Variants in TMC7 observed in about 807,000 individuals in gnomAD.
TMC7 encodes the protein transmembrane channel like 7.
In TMC7, 54 loss-of-function variants were observed where a neutral mutation model predicts 82.9. The ratio of observed to expected loss-of-function variants is 0.65; its 90% confidence interval spans 0.52 to 0.82. The LOEUF is 0.82. TMC7 is among the 40% of genes least tolerant of loss of function. The pLI is 0.00. For synonymous variants in TMC7, 350 were observed against 337.9 expected, an observed-to-expected ratio of 1.04 and a Z score of -0.39; for missense variants, 820 against 901.2, an observed-to-expected ratio of 0.91 and a Z score of 1.15.
At chr16:19,039,086 TTTTTTC>T (rs1333305092) in intron 8 of TMC7, among the ~76,000 whole-genome samples, 1 of 131,480 alleles carries the variant, frequency 7.6e-6, no homozygotes, top group African/African-American at 2.9e-5. Context: ...TTCTTCTTTC[TTTTTTC>T]TTTTTTTTTT....
intron 1 of TMC7, among the ~76,000 whole-genome samples, chr16:18,990,590 C>T (rs1405534956): frequency 6.6e-6 from 1 of 152,164 alleles, no homozygotes; most frequent in Non-Finnish European, 1.5e-5. Context: ...GTTTATTTCA[C>T]CTGGGTGCAG....
At chr16:19,029,308 G>T (rs1410920832) in intron 5 of TMC7, among the ~76,000 whole-genome samples, 2 of 151,832 alleles carry the variant, frequency 1.3e-5, no homozygotes, top group African/African-American at 4.8e-5. Context: ...CCCGGCACGA[G>T]ATTTGCACTT....
At position 18,987,134 on chromosome 16, in the gene TMC7, G is replaced by T. The variant is rs560427648; in HGVS notation, c.67+3004G>T. Among the ~76,000 whole-genome samples, 395 of 152,042 alleles carry T rather than the reference G, an allele frequency of 2.6e-3. 4 individuals are homozygous for T. Among genetic ancestry groups the T allele is most frequent in the African/African-American group, 9.2e-3 (380 of 41,500 alleles). On this transcript the variant is annotated intron_variant, in intron 1 of 15. Transcript: ENST00000304381. Reference sequence around the variant, plus strand: ...AGCAGCCTCTTCCTTTTCCTGTTGGGTCTCTACTCAAATGTCATGTCAGAG... The same window carrying T: ...AGCAGCCTCTTCCTTTTCCTGTTGGTTCTCTACTCAAATGTCATGTCAGAG...
chr16:19,056,766 G>T, intron 14 of TMC7, 69 bp downstream of exon 14: 1 of 1,552,384 alleles, frequency 6.4e-7, no homozygotes, highest in South Asian at 1.2e-5. Flanking sequence ...CGGCGGTCGG[G>T]GCGGGGTCAC....
rs933094146 is a variant in TMC7 at position 19,045,099 on chromosome 16, A to G, written c.1455+98A>G. On this transcript the variant is annotated intron_variant, in intron 10 of 15. Coordinates refer to ENST00000304381, the MANE Select transcript of TMC7 (RefSeq NM_024847.4). The stretch of plus-strand genomic sequence containing the variant: ...GGTTGAAGCCATGGGTTTGAACTGC[A>G]TTTGCTTCGCTTTCTTGTTCTAGTG... The G allele has an allele frequency of 1.2e-5, 12 of 1,023,778 alleles. No homozygotes were observed. The African/African-American group carries it at 1.4e-4, about 12-fold the overall frequency. 63.4% of individuals were successfully genotyped at this position (1,023,778 alleles called of 1,614,324 possible). A position where few individuals can be genotyped will look rare whatever the true frequency, so the allele number is the denominator to read the frequency against.
intron 5 of TMC7, among the ~76,000 whole-genome samples, chr16:19,024,548 CT>C (rs781370740): frequency 2.0e-5 from 3 of 151,504 alleles, no homozygotes; most frequent in South Asian, 2.1e-4. Flanking sequence ...TATTGATATT[CT>C]TTTTTTTTAT....
Position 19,051,765 on chromosome 16 carries a change from T to C in TMC7, c.1820T>C (p.Leu607Ser). ...TCTAATTTCTTCTTCCTGTTGGTGT[T>C]GTTGATCGGGCTGTGTTTGGCAATA... Reference protein sequence around the residue: ...SNSNFFFLLVLLIGLCLAIIP... With the variant: ...SNSNFFFLLVSLIGLCLAIIP... The change falls in exon 13 of 16, where the codon TTG becomes TCG. Residue 607 changes from leucine (L) to serine (S), a missense_variant. This residue lies in a region of TMC7 where 170 missense variants were observed against 231.3 expected (regional missense o/e 0.74). Transcript: ENST00000304381. The C allele has an allele frequency of 6.2e-7, 1 of 1,614,186 alleles. No homozygotes were observed. Among genetic ancestry groups the C allele is most frequent in the Non-Finnish European group, 8.5e-7 (1 of 1,180,034 alleles).
chr16:19,009,333 C>G lies in TMC7; in HGVS notation c.229C>G (p.Leu77Val). 2 of 1,614,178 alleles carry G rather than the reference C, an allele frequency of 1.2e-6. No homozygotes were observed. Among genetic ancestry groups the G allele is most frequent in the Non-Finnish European group, 8.5e-7 (1 of 1,180,040 alleles). Residue 77 changes from leucine to valine, a missense_variant, in exon 2 of 16, where the codon CTG (leucine) becomes GTG (valine). Coordinates refer to ENST00000304381, the MANE Select transcript of TMC7 (RefSeq NM_024847.4). Reference protein sequence around the residue: ...LKPTDSYSSQLEDRIAENLSS... With the variant: ...LKPTDSYSSQVEDRIAENLSS... ...GCCAACCGACTCTTACAGCTCCCAG[C>G]TGGAGGACAGAATCGCTGAAAACCT...
At chr16:19,021,932 C>A in intron 4 of TMC7, 136 bp downstream of exon 4, 1 of 1,051,054 alleles carries the variant, frequency 9.5e-7, no homozygotes, top group Non-Finnish European at 1.3e-6. Context: ...GGTTATGCTG[C>A]AGAAACAAGT....
intron 1 of TMC7, among the ~76,000 whole-genome samples, chr16:19,007,148 G>C (rs144573363): frequency 1.3e-5 from 2 of 152,074 alleles, no homozygotes; most frequent in Non-Finnish European, 2.9e-5. Flanking sequence ...GAAGACACGA[G>C]CCTGGGGCCT....
chr16:19,013,289 G>T (rs111554644), intron 2 of TMC7, among the ~76,000 whole-genome samples: 17 of 151,754 alleles, frequency 1.1e-4, no homozygotes, highest in Admixed American at 5.9e-4. Context: ...TGCGATCTCG[G>T]CTCACCACAA....
At position 19,040,456 on chromosome 16, in the gene TMC7, A is replaced by G; in HGVS notation, c.1337+10A>G. The G allele has an allele frequency of 6.2e-7, 1 of 1,606,106 alleles. No homozygotes were observed. The highest frequency in any genetic ancestry group is 1.1e-5 in the South Asian group (1 of 90,574). ...GTCTGACAATCCTTAGGTAATGCCT[A>G]ACATGAAGATGGCAGGCATGTCAAG... is the stretch of plus-strand genomic sequence containing the variant. On this transcript the variant is annotated intron_variant, in intron 9 of 15. Transcript: ENST00000304381.
intron 15 of TMC7, among the ~76,000 whole-genome samples, chr16:19,061,537 G>A (rs1435793798): frequency 6.6e-6 from 1 of 152,000 alleles, no homozygotes; most frequent in Non-Finnish European, 1.5e-5. Flanking sequence ...CACCTGCCTC[G>A]GCCTCCCAAA....
At chr16:19,040,710 T>A (rs1308495239) in intron 9 of TMC7, among the ~76,000 whole-genome samples, 1 of 152,016 alleles carries the variant, frequency 6.6e-6, no homozygotes, top group African/African-American at 2.4e-5. Flanking sequence ...AGAGGAGGGG[T>A]TGCTCTAAAG....
chr16:19,051,398 C>T (rs1185484854), intron 12 of TMC7, among the ~76,000 whole-genome samples: 2 of 142,534 alleles, frequency 1.4e-5, no homozygotes, highest in African/African-American at 2.6e-5. Flanking sequence ...GCTATCCCTC[C>T]CCCCTCCCCC....
intron 1 of TMC7, 31 bp downstream of exon 1, chr16:18,984,161 G>T (rs768038732): frequency 6.7e-7 from 1 of 1,482,312 alleles, no homozygotes; most frequent in South Asian, 1.3e-5. Flanking sequence ...CGCGGGGACG[G>T]TGCCCCTGGG....
intron 1 of TMC7, among the ~76,000 whole-genome samples, chr16:19,002,130 C>A (rs1410306885): frequency 6.6e-6 from 1 of 151,966 alleles, no homozygotes; most frequent in South Asian, 2.1e-4. Flanking sequence ...ATGTGGTGTC[C>A]TGTGGGAAAA....
At chr16:18,994,062 G>T (rs981465266) in intron 1 of TMC7, among the ~76,000 whole-genome samples, 1 of 152,156 alleles carries the variant, frequency 6.6e-6, no homozygotes, top group African/African-American at 2.4e-5. Flanking sequence ...AGTCATGGGG[G>T]TCAGGTGTGG....
In TMC7 at chr16:19,021,693, G is replaced by T. The variant is rs1959982799; in HGVS notation, c.525G>T (p.Leu175Phe). The change falls in exon 4 of 16, where the codon TTG (leucine) becomes TTT (phenylalanine). Residue 175 changes from leucine to phenylalanine, a missense_variant. Leu to Phe is a conservative substitution (Grantham distance 22, BLOSUM62 0). Around this residue, in one of 2 missense-constraint regions of TMC7, gnomAD observed 650 missense variants for 669.9 expected, o/e 0.97. Transcript: ENST00000304381. The stretch of plus-strand genomic sequence containing the variant: ...TGAGATTCCTGGTGTTGCTGAATTT[G>T]GTGATATTTCTGATCATCTTTATGC... ...SFLRFLVLLN[L>F]VIFLIIFMLV... 6.2e-7 allele frequency: 1 copy of T among 1,614,038 alleles called. No homozygotes were observed.
Sources: gnomAD v4.1 joint callset for allele counts (sites outside exome capture counted in the v4.1 genomes callset) on GRCh38, gnomAD v4.1.1 for gene constraint, gnomAD v4.1.1 regional missense constraint, MANE v1.5 for transcripts, NCBI Gene and HGNC (gene_info 2026-07-23, HGNC 2026-07-21) for gene names.